The following OSBPL10 variants were observed in gnomAD, a reference collection of about 807,000 sequenced individuals.
OSBPL10 encodes oxysterol binding protein like 10, also known as oxysterol-binding protein-related protein 10.
A neutral mutation model predicts 81.7 loss-of-function variants in OSBPL10; 49 were observed. That is an observed-to-expected ratio of 0.60 (90% CI 0.48 to 0.76). The LOEUF is 0.76. Among genes scored for constraint, OSBPL10 ranks in the 30% least tolerant of loss-of-function variants. The probability of loss-of-function intolerance (pLI) is 0.00; values close to 1 mark genes in which losing one functional copy is unlikely to be tolerated. For missense variants in OSBPL10, 923 were observed against 987.8 expected (o/e 0.93, Z 0.88); for synonymous variants, 419 against 383.6 (o/e 1.09, Z -1.08).
chr3:31,728,563 C>CAATGCAAAAGG (rs1252616102), intron 6 of OSBPL10, among the ~76,000 whole-genome samples: 2 of 152,182 alleles, frequency 1.3e-5, no homozygotes, highest in Non-Finnish European at 2.9e-5. Flanking sequence ...ACATACTATT[C>CAATGCAAAAGG]AATGCAAAAG....
intron 4 of OSBPL10, among the ~76,000 whole-genome samples, chr3:31,766,328 T>A (rs1486778215): frequency 7.9e-6 from 1 of 127,004 alleles, no homozygotes; most frequent in East Asian, 2.3e-4. Flanking sequence ...GTAGTTTTTT[T>A]GTTTTTTTGT....
chr3:31,989,061 T>C (rs776856791), intron 2 of OSBPL10: 1 of 1,613,780 alleles, frequency 6.2e-7, no homozygotes, highest in Non-Finnish European at 8.5e-7. Flanking sequence ...ACTGCAGCAC[T>C]ATTGATTTCT....
Position 31,989,897 on chromosome 3 carries a change from T to G in OSBPL10, n.298+56594A>C, listed in dbSNP as rs1698999788. 1 of 1,614,078 alleles carries G rather than the reference T, an allele frequency of 6.2e-7. No individual in the cohort carries two copies. The highest frequency in any genetic ancestry group is 8.5e-7 in the Non-Finnish European group (1 of 1,180,038). ...AAGGTCTTTAATCAGAAGCGATACC[T>G]TGCATGCCATCATAGATGTCACACT... On this transcript the variant is annotated intron_variant and non_coding_transcript_variant, in intron 2 of 3. Coordinates refer to the OSBPL10 transcript ENST00000479173.
At chr3:31,667,255 T>C (rs1197755724) in intron 10 of OSBPL10, among the ~76,000 whole-genome samples, 2 of 152,196 alleles carry the variant, frequency 1.3e-5, no homozygotes, top group African/African-American at 4.8e-5. Flanking sequence ...TCGCAGCCTT[T>C]CCCTTGTCCT....
chr3:31,839,095 A>G lies in OSBPL10; in HGVS notation c.538-8864T>C, dbSNP rs547720302. Among the ~76,000 whole-genome samples, 4 of 152,350 alleles carry G rather than the reference A, an allele frequency of 2.6e-5. No homozygotes were observed. The South Asian group carries it at 8.3e-4, about 32-fold the overall frequency. ...CTTGCAAAAGCTATGAATGCAGTAA[A>G]TAAAGAGCAATAAATCCCCCCAACC... is the stretch of plus-strand genomic sequence containing the variant. On this transcript the variant is annotated intron_variant, in intron 3 of 11. Transcript: ENST00000396556.
intron 4 of OSBPL10, among the ~76,000 whole-genome samples, chr3:31,763,792 T>G (rs1012186514): frequency 6.6e-6 from 1 of 152,120 alleles, no homozygotes; most frequent in African/African-American, 2.4e-5. Context: ...GAAAAAAAAC[T>G]GGGCAAAAAT....
chr3:31,740,860 T>C lies in OSBPL10; in HGVS notation c.940+7050A>G, dbSNP rs184417843. On this transcript the variant is annotated intron_variant, in intron 5 of 11. Transcript: ENST00000396556. ...TTAATATGACCACTACTAGAATTTATATATATATGTCATATTTCTTCCCAA... is the reference window on the plus strand; with the variant it reads ...TTAATATGACCACTACTAGAATTTACATATATATGTCATATTTCTTCCCAA... 1.8e-3 allele frequency among the ~76,000 whole-genome samples: 266 copies of C among 149,976 alleles called. 4 individuals are homozygous for C. Among genetic ancestry groups the C allele is most frequent in the Non-Finnish European group, 2.5e-3 (172 of 67,868 alleles).
rs148467991 is a variant in OSBPL10 at position 31,713,603 on chromosome 3, C to T, written c.1096-11095G>A. Among the ~76,000 whole-genome samples, 15 of 152,080 alleles carry T rather than the reference C, an allele frequency of 9.9e-5. No individual in the cohort carries two copies. The East Asian group carries it at 2.5e-3, about 26-fold the overall frequency. On this transcript the variant is annotated intron_variant, in intron 6 of 11. Coordinates refer to ENST00000396556, the MANE Select transcript of OSBPL10 (RefSeq NM_017784.5). ...GTAGAGATGGGGATTAGCCATGTTG[C>T]CCGAGCTGGTCTTGAACTCCTGACC...
intron 6 of OSBPL10, among the ~76,000 whole-genome samples, chr3:31,724,520 C>A (rs1431393110): frequency 2.6e-5 from 4 of 152,080 alleles, no homozygotes; most frequent in Non-Finnish European, 5.9e-5. Context: ...TCGGACCTTC[C>A]ACTATATTCA....
chr3:31,885,298 TACTC>T (rs1365362822), intron 1 of OSBPL10, among the ~76,000 whole-genome samples: 11 of 152,090 alleles, frequency 7.2e-5, no homozygotes, highest in South Asian at 4.1e-4. Flanking sequence ...CACACTCACA[TACTC>T]ACAAACTCAT....
chr3:31,739,781 T>C (rs958593443), intron 5 of OSBPL10, among the ~76,000 whole-genome samples: 1 of 152,246 alleles, frequency 6.6e-6, no homozygotes, highest in East Asian at 1.9e-4. Flanking sequence ...CCACCCAGTC[T>C]ACAGTGTTTT....
At chr3:31,857,512 A>G (rs1314186050) in intron 3 of OSBPL10, among the ~76,000 whole-genome samples, 3 of 151,920 alleles carry the variant, frequency 2.0e-5, no homozygotes, top group Admixed American at 6.5e-5. Flanking sequence ...GACCAACTCA[A>G]TAGTGACCCA....
chr3:32,011,152 G>T (rs1037427102), intron 2 of OSBPL10, among the ~76,000 whole-genome samples: 4 of 152,314 alleles, frequency 2.6e-5, no homozygotes, highest in Admixed American at 1.3e-4. Flanking sequence ...CCTCAAGTGG[G>T]TCCCTGACCC....
chr3:31,786,735 A>G (rs562415588), intron 4 of OSBPL10, among the ~76,000 whole-genome samples: 7 of 152,274 alleles, frequency 4.6e-5, no homozygotes, highest in Non-Finnish European at 8.8e-5. Context: ...ATATATATAT[A>G]TTGTATGATT....
chr3:31,663,243 A>G, intron 11 of OSBPL10: 7 of 983,572 alleles, frequency 7.1e-6, no homozygotes, highest in Non-Finnish European at 8.5e-6. Flanking sequence ...TTGACCATGC[A>G]AATATGAGAT....
At chr3:31,879,592 C>T (rs1701567238) in intron 2 of OSBPL10, 63 bp downstream of exon 2, 5 of 1,506,636 alleles carry the variant, frequency 3.3e-6, no homozygotes, top group Non-Finnish European at 4.5e-6. Flanking sequence ...AATCAAAAAA[C>T]AAGAGAGCCA....
intron 3 of OSBPL10, among the ~76,000 whole-genome samples, chr3:31,840,184 T>C (rs1384184140): frequency 6.6e-6 from 1 of 152,068 alleles, no homozygotes; most frequent in Non-Finnish European, 1.5e-5. Flanking sequence ...CTCTGGAACA[T>C]GGGGACAAGG....
intron 1 of OSBPL10, among the ~76,000 whole-genome samples, chr3:31,928,705 G>T (rs1231906495): frequency 6.7e-6 from 1 of 149,146 alleles, no homozygotes; most frequent in Non-Finnish European, 1.5e-5. Context: ...ATTTGAACCT[G>T]GGAGACAGAG....
chr3:31,850,510 G>T (rs1173249331), intron 3 of OSBPL10, among the ~76,000 whole-genome samples: 2 of 152,128 alleles, frequency 1.3e-5, no homozygotes, highest in South Asian at 4.1e-4. Flanking sequence ...GAGTGGAGGG[G>T]CAAAGAGCAA....
Sources: allele counts gnomAD v4.1 joint callset (sites outside exome capture counted in the v4.1 genomes callset), GRCh38; gene constraint gnomAD v4.1.1; transcripts MANE v1.5; gene names NCBI Gene and HGNC (gene_info 2026-07-23, HGNC 2026-07-21).